HDAC11: variants seen among roughly 807,000 people sequenced by gnomAD.
The protein encoded by HDAC11 is histone deacetylase 11.
Under a neutral mutation model 41.1 loss-of-function variants are expected in HDAC11, and 23 were observed. That is an observed-to-expected ratio of 0.56 (90% confidence interval 0.40 to 0.79). HDAC11 has a LOEUF of 0.79. Among genes scored for constraint, HDAC11 ranks in the 30% least tolerant of loss-of-function variants. The pLI is 0.00. For missense variants in HDAC11, 402 were observed against 477.3 expected, an observed-to-expected ratio of 0.84 and a Z score of 1.47; for synonymous variants, 187 against 186.6, an observed-to-expected ratio of 1.00 and a Z score of -0.02.
chr3:13,503,754 AT>A (rs1460288471), intron 8 of HDAC11, among the ~76,000 whole-genome samples: 1 of 152,114 alleles, frequency 6.6e-6, no homozygotes, highest in African/African-American at 2.4e-5. Flanking sequence ...CAAGGAACCA[AT>A]TTCTGAACAG....
chr3:13,481,122 G>A (rs1223596278), intron 1 of HDAC11, 124 bp from the exon 2 acceptor site: 9 of 1,035,556 alleles, frequency 8.7e-6, no homozygotes, highest in South Asian at 1.7e-5. Flanking sequence ...AGGGGCCCTT[G>A]TCTGCGGCTG....
chr3:13,504,296 C>T lies in HDAC11; in HGVS notation c.828+24C>T, dbSNP rs201783252. ...CGGTACGTCCTGACCCTTGGGGCCACGGGAGGGTCTGCTCTATGGACTCAG... is the reference window on the plus strand; with the variant it reads ...CGGTACGTCCTGACCCTTGGGGCCATGGGAGGGTCTGCTCTATGGACTCAG... On this transcript the variant is annotated intron_variant, in intron 9 of 9. Coordinates refer to ENST00000295757, the MANE Select transcript of HDAC11 (RefSeq NM_024827.4). 336 of 1,610,756 alleles carry T rather than the reference C, an allele frequency of 2.1e-4. No individual in the cohort carries two copies. In the African/African-American group the frequency reaches 3.2e-3, roughly 15 times the overall value.
intron 3 of HDAC11, among the ~76,000 whole-genome samples, chr3:13,496,117 T>A (rs900250574): frequency 1.3e-5 from 2 of 152,048 alleles, no homozygotes; most frequent in African/African-American, 4.8e-5. Context: ...CACTTGGAGG[T>A]CACAGGGCAC....
chr3:13,498,525 G>C lies in HDAC11; in HGVS notation c.382G>C (p.Ala128Pro). 1 of 1,614,006 alleles carries C rather than the reference G, an allele frequency of 6.2e-7. No individual in the cohort carries two copies. The highest frequency in any genetic ancestry group is 8.5e-7 in the Non-Finnish European group (1 of 1,180,022). Residue 128 changes from alanine (A) to proline (P), a missense_variant, in exon 5 of 10, where the codon GCT (alanine) becomes CCT (proline). By Grantham distance (27) the Ala-to-Pro change is conservative. Transcript: ENST00000295757. Reference protein sequence around the residue: ...TGGTIMAGKLAVERGWAINVG... With the variant: ...TGGTIMAGKLPVERGWAINVG... ...CTTGTCTCCAAAGGCGGGGAAGCTG[G>C]CTGTGGAGCGAGGCTGGGCCATCAA... is the stretch of plus-strand genomic sequence containing the variant.
chr3:13,485,448 G>A (rs1441745481), intron 3 of HDAC11, among the ~76,000 whole-genome samples: 7 of 152,186 alleles, frequency 4.6e-5, no homozygotes, highest in African/African-American at 1.2e-4. Flanking sequence ...GACAGGAGGC[G>A]CTCAGCTGGG....
chr3:13,504,175 A>T lies in HDAC11; in HGVS notation c.731A>T (p.Lys244Ile), dbSNP rs747481016. The T allele has an allele frequency of 6.2e-7, 1 of 1,613,998 alleles. No homozygotes were observed. The highest frequency in any genetic ancestry group is 8.5e-7 in the Non-Finnish European group (1 of 1,180,024). The change falls in exon 9 of 10, where the codon AAA (lysine) becomes ATA (isoleucine). Residue 244 changes from lysine (K) to isoleucine (I), a missense_variant. Physicochemically the swap from Lys to Ile is moderately radical, Grantham distance 102. Transcript: ENST00000295757. ...GATAAGGTGGAGAGGAACATCAAGA[A>T]ATCCCTCCAGGAGCACCTGCCCGAC... ...YLDKVERNIK[K>I]SLQEHLPDVV... is the part of the protein sequence containing the mutation.
At chr3:13,499,794 G>A (rs9838980) in intron 5 of HDAC11, among the ~76,000 whole-genome samples, 42,504 of 152,052 alleles carry the variant, frequency 0.28, 7,440 homozygotes, top group African/African-American at 0.49. Context: ...GCAGGGTTCC[G>A]AGGAGGGCCT....
chr3:13,490,490 G>A (rs75615550), intron 3 of HDAC11, among the ~76,000 whole-genome samples: 3,762 of 152,090 alleles, frequency 0.025, 58 homozygotes, highest in African/African-American at 0.04. Context: ...ATGTCTTTCC[G>A]TTTATTTATG....
intron 4 of HDAC11, 70 bp downstream of exon 4, chr3:13,496,922 C>A: frequency 1.4e-6 from 1 of 698,944 alleles, no homozygotes; most frequent in Non-Finnish European, 2.3e-6. Flanking sequence ...ACCTCCTTTG[C>A]CCTGGAATGC....
At chr3:13,481,510 T>C (rs2655218) in intron 2 of HDAC11, 116 bp downstream of exon 2, 732,050 of 1,240,412 alleles carry the variant, frequency 0.59, 221,252 homozygotes, top group African/African-American at 0.87. Context: ...AGCCCTCGGA[T>C]GGCCTTCCAC....
Position 13,496,869 on chromosome 3 carries a change from GGCAT to G in HDAC11, c.369+19_369+22del. On this transcript the variant is annotated intron_variant, in intron 4 of 9. Transcript: ENST00000295757. ...ACCATAATGGTAGGTGGGGTGGGGG[GGCAT>G]GGCTGGGCTGGGGGCCCCCACACCC... 7.1e-7 allele frequency: 1 copy of G among 1,414,964 alleles called. No homozygotes were observed. Among genetic ancestry groups the G allele is most frequent in the Non-Finnish European group, 9.7e-7 (1 of 1,027,704 alleles). 87.7% of individuals were successfully genotyped at this position (1,414,964 alleles called of 1,614,324 possible). A position where few individuals can be genotyped will look rare whatever the true frequency, so the allele number is the denominator to read the frequency against.
At chr3:13,500,330 G>A (rs565996087) in intron 5 of HDAC11, among the ~76,000 whole-genome samples, 123 of 152,228 alleles carry the variant, frequency 8.1e-4, no homozygotes, top group Non-Finnish European at 1.1e-3. Flanking sequence ...TGCCCTTCCT[G>A]ACCACCCGCT....
chr3:13,503,959 A>C (rs954714854), intron 8 of HDAC11, 135 bp from the exon 9 acceptor site: 2 of 759,380 alleles, frequency 2.6e-6, no homozygotes, highest in South Asian at 1.9e-5. Flanking sequence ...TTTTCACCTT[A>C]GTTTTGGGTG....
intron 8 of HDAC11, chr3:13,503,248 A>C: frequency 3.3e-6 from 1 of 301,390 alleles, no homozygotes. Context: ...AATAGGATAA[A>C]TTTGAAAATA....
intron 6 of HDAC11, 90 bp downstream of exon 6, chr3:13,500,879 A>T: frequency 9.9e-7 from 1 of 1,014,248 alleles, no homozygotes; most frequent in Admixed American, 3.1e-5. Flanking sequence ...ACCCTGAATT[A>T]TAGACAAGGG....
At chr3:13,498,674 G>A in intron 5 of HDAC11, 119 bp downstream of exon 5, 1 of 1,114,448 alleles carries the variant, frequency 9.0e-7, no homozygotes, top group Non-Finnish European at 1.3e-6. Context: ...AGAAGCTCTG[G>A]TTTTCCCAAG....
chr3:13,481,858 C>G (rs911091636), intron 2 of HDAC11, among the ~76,000 whole-genome samples: 1 of 152,206 alleles, frequency 6.6e-6, no homozygotes, highest in South Asian at 2.1e-4. Flanking sequence ...ACCACAATCG[C>G]AGCAGAGGCT....
Position 13,504,276 on chromosome 3 carries a change from C to G in HDAC11, c.828+4C>G, listed in dbSNP as rs778570866. On this transcript the variant is annotated splice_donor_region_variant and intron_variant, in intron 9 of 9. Transcript: ENST00000295757. ...GGGGCTGTCCATCAGCCCAGCGGTA[C>G]GTCCTGACCCTTGGGGCCACGGGAG... is the stretch of plus-strand genomic sequence containing the variant. 1 of 1,612,608 alleles carries G rather than the reference C, an allele frequency of 6.2e-7. No homozygotes were observed. Among genetic ancestry groups the G allele is most frequent in the African/African-American group, 1.3e-5 (1 of 75,040 alleles).
intron 3 of HDAC11, among the ~76,000 whole-genome samples, chr3:13,490,281 C>T (rs753063288): frequency 9.2e-5 from 14 of 152,202 alleles, no homozygotes; most frequent in Non-Finnish European, 1.9e-4. Context: ...CATGAGCCAC[C>T]GTGCCCAGCC....
Sources: allele counts gnomAD v4.1 joint callset (sites outside exome capture counted in the v4.1 genomes callset), GRCh38; gene constraint gnomAD v4.1.1; transcripts MANE v1.5; gene names NCBI Gene and HGNC (gene_info 2026-07-23, HGNC 2026-07-21).